Variants in SCN10A observed in about 807,000 individuals in gnomAD.
SCN10A encodes sodium voltage-gated channel alpha subunit 10.
A neutral mutation model predicts 170.7 loss-of-function variants in SCN10A; 162 were observed. That is an observed-to-expected ratio of 0.95 (90% CI 0.84 to 1.08). SCN10A has a LOEUF of 1.08. SCN10A is among the 50% of genes least tolerant of loss of function. The probability of loss-of-function intolerance (pLI) is 0.00; values close to 1 mark genes in which losing one functional copy is unlikely to be tolerated. For missense variants in SCN10A, 2,527 were observed against 2,436.9 expected (o/e 1.04, Z -0.78); for synonymous variants, 985 against 904.6 (o/e 1.09, Z -1.59).
intron 25 of SCN10A, 42 bp downstream of exon 25, chr3:38,709,436 T>C (rs1256117702): frequency 6.4e-7 from 1 of 1,572,786 alleles, no homozygotes; most frequent in Non-Finnish European, 8.6e-7. Flanking sequence ...ATATAAGGCT[T>C]ACCACTACAG....
chr3:38,707,495 T>C, intron 25 of SCN10A, 112 bp from the exon 26 acceptor site: 2 of 1,052,556 alleles, frequency 1.9e-6, no homozygotes, highest in South Asian at 1.5e-5. Flanking sequence ...CCTCTGCAGA[T>C]AGACAAACCA....
intron 4 of SCN10A, among the ~76,000 whole-genome samples, chr3:38,786,754 C>T (rs907532051): frequency 1.3e-5 from 2 of 152,098 alleles, no homozygotes; most frequent in Non-Finnish European, 2.9e-5. Context: ...ATTCCTAATT[C>T]TTCAGCATCA....
chr3:38,764,389 C>A (rs1186680237), intron 5 of SCN10A, among the ~76,000 whole-genome samples: 1 of 152,102 alleles, frequency 6.6e-6, no homozygotes, highest in African/African-American at 2.4e-5. Flanking sequence ...CCTCCCAAGT[C>A]CCCAAAGTCC....
At chr3:38,751,524 C>T (rs938348508) in intron 12 of SCN10A, among the ~76,000 whole-genome samples, 1 of 152,188 alleles carries the variant, frequency 6.6e-6, no homozygotes, top group Non-Finnish European at 1.5e-5. Flanking sequence ...CTTTACAATT[C>T]TGTCTGCAAT....
chr3:38,792,266 G>T, intron 2 of SCN10A, 98 bp from the exon 3 acceptor site: 1 of 1,457,006 alleles, frequency 6.9e-7, no homozygotes, highest in Non-Finnish European at 9.3e-7. Context: ...TCAGGCTTAT[G>T]AGCAAGAAGG....
intron 8 of SCN10A, 51 bp from the exon 9 acceptor site, chr3:38,757,210 C>T (rs1373467097): frequency 1.3e-6 from 2 of 1,527,304 alleles, no homozygotes; most frequent in Non-Finnish European, 1.8e-6. Context: ...GACAAGGTAG[C>T]CCAGGGCTGC....
chr3:38,763,472 A>C, intron 6 of SCN10A, 33 bp downstream of exon 6: 261 of 1,543,332 alleles, frequency 1.7e-4, no homozygotes, highest in Non-Finnish European at 2.1e-4. Flanking sequence ...TAGGCTGTGA[A>C]AACCAACATA....
At chr3:38,739,421 G>A (rs1305110410) in intron 15 of SCN10A, 94 bp downstream of exon 15, 1 of 1,161,576 alleles carries the variant, frequency 8.6e-7, no homozygotes, top group East Asian at 2.5e-5. Context: ...GGACAGGAGA[G>A]GAAGGGGGAG....
At chr3:38,771,634 G>T (rs2126041263) in intron 4 of SCN10A, among the ~76,000 whole-genome samples, 1 of 152,348 alleles carries the variant, frequency 6.6e-6, no homozygotes, top group East Asian at 1.9e-4. Flanking sequence ...GATGTGTGTG[G>T]CTGGGACAGC....
Position 38,771,306 on chromosome 3 carries a change from C to T in SCN10A, c.572G>A (p.Trp191Ter), listed in dbSNP as rs763559997. ...CAGGGTAATGACGCTAAAATCCAGC[C>T]AGTTCCAAGGATCTCTCAGGTACGT... ...EFTYLRDPWN[W>*]LDFSVITLAY... The change falls in exon 5 of 28, where the codon TGG (tryptophan) becomes TAG (stop). Residue 191 changes from tryptophan (W) to a stop codon, truncating the protein, a stop_gained. Coordinates refer to ENST00000449082, the MANE Select transcript of SCN10A (RefSeq NM_006514.4). LOFTEE classifies it high-confidence loss of function. The T allele has an allele frequency of 4.3e-6, 7 of 1,614,088 alleles. No individual in the cohort carries two copies. Among genetic ancestry groups the T allele is most frequent in the South Asian group, 3.3e-5 (3 of 91,066 alleles).
intron 6 of SCN10A, 31 bp downstream of exon 6, chr3:38,763,474 A>G (rs916657208): frequency 1.3e-6 from 2 of 1,555,054 alleles, no homozygotes; most frequent in Admixed American, 3.3e-5. Flanking sequence ...GGCTGTGAAA[A>G]CCAACATATG....
intron 23 of SCN10A, among the ~76,000 whole-genome samples, chr3:38,711,451 T>C (rs2063273269): frequency 6.6e-6 from 1 of 152,218 alleles, no homozygotes; most frequent in South Asian, 2.1e-4. Context: ...CTTAATGAGC[T>C]GTTTTAATTC....
chr3:38,750,103 C>A lies in SCN10A; in HGVS notation c.1837G>T (p.Val613Phe). The change falls in exon 13 of 28, where the codon GTT becomes TTT. Residue 613 changes from valine to phenylalanine, a missense_variant. Val to Phe is a conservative substitution (Grantham distance 50). Coordinates refer to ENST00000449082, the MANE Select transcript of SCN10A (RefSeq NM_006514.4). Reference sequence around the variant, plus strand: ...AGGACGGAGGTTATGATACTGACAACACTCATTGCCCTTTGGGCCCGGAAA... The same window carrying A: ...AGGACGGAGGTTATGATACTGACAAAACTCATTGCCCTTTGGGCCCGGAAA... ...EPFRAQRAMS[V>F]VSIITSVLEE... 6.2e-7 allele frequency: 1 copy of A among 1,611,410 alleles called. No homozygotes were observed. The highest frequency in any genetic ancestry group is 8.5e-7 in the Non-Finnish European group (1 of 1,177,796).
rs758806756 is a variant in SCN10A, at chr3:38,763,569, A to C, written c.627T>G (p.Arg209=). Residue 209 remains arginine (R), a synonymous_variant, in exon 6 of 28, where the codon CGT becomes CGG. Coordinates refer to ENST00000449082, the MANE Select transcript of SCN10A (RefSeq NM_006514.4). ...LAYVGTAIDL[R]GISGLRTFRV... ...TGAATGTCCGCAGGCCTGAGATCCC[A>C]CGGAGATCTATTGCTGTGCCAACAT... 6.2e-7 allele frequency: 1 copy of C among 1,614,102 alleles called. No homozygotes were observed. The highest frequency in any genetic ancestry group is 1.1e-5 in the South Asian group (1 of 91,076).
intron 4 of SCN10A, among the ~76,000 whole-genome samples, chr3:38,786,450 G>A (rs185925201): frequency 3.1e-4 from 47 of 152,158 alleles, no homozygotes; most frequent in Admixed American, 9.8e-4. Context: ...GATACAGGGA[G>A]GGGGACATCA....
At chr3:38,812,685 T>G (rs1485996697) in intron 1 of SCN10A, among the ~76,000 whole-genome samples, 1 of 152,144 alleles carries the variant, frequency 6.6e-6, no homozygotes, top group Non-Finnish European at 1.5e-5. Flanking sequence ...TTTCTGATTC[T>G]CTTCCTGTCA....
intron 1 of SCN10A, among the ~76,000 whole-genome samples, chr3:38,795,283 T>G (rs1266501015): frequency 6.6e-6 from 1 of 152,040 alleles, no homozygotes; most frequent in Non-Finnish European, 1.5e-5. Context: ...AGAGATTGCC[T>G]TGTGGCTAAA....
At chr3:38,735,432 G>C (rs768128277) in intron 15 of SCN10A, among the ~76,000 whole-genome samples, 18 of 152,146 alleles carry the variant, frequency 1.2e-4, no homozygotes, top group Non-Finnish European at 2.4e-4. Context: ...TGAAAGACTG[G>C]TATACAGCGT....
chr3:38,792,534 G>A (rs764950876), intron 2 of SCN10A, among the ~76,000 whole-genome samples: 11 of 152,214 alleles, frequency 7.2e-5, no homozygotes, highest in Middle Eastern at 3.2e-3. Context: ...CTTCTGACAA[G>A]AGAACCATCC....
Sources: allele counts gnomAD v4.1 joint callset (sites outside exome capture counted in the v4.1 genomes callset), GRCh38; gene constraint gnomAD v4.1.1; transcripts MANE v1.5; gene names NCBI Gene and HGNC (gene_info 2026-07-23, HGNC 2026-07-21).